The following PLB1 variants were observed in gnomAD, a reference collection of about 807,000 sequenced individuals.
The protein encoded by PLB1 is phospholipase B1, membrane-associated.
In PLB1, 242 loss-of-function variants were observed where a neutral mutation model predicts 227.4. That is an observed-to-expected ratio of 1.06 (90% CI 0.96 to 1.18). PLB1 has a LOEUF of 1.18. Ranked by LOEUF, PLB1 falls within the 50% of genes most tolerant of loss-of-function variation. The pLI, the probability that PLB1 is intolerant of heterozygous loss-of-function variation, is 0.00. For missense variants in PLB1, 1,858 were observed against 1,816.3 expected (o/e 1.02, Z -0.42); for synonymous variants, 757 against 682.2 (o/e 1.11, Z -1.71).
chr2:28,638,848 A>AT (rs2148351459), intron 56 of PLB1, among the ~76,000 whole-genome samples: 1 of 151,544 alleles, frequency 6.6e-6, no homozygotes, highest in East Asian at 1.9e-4. Flanking sequence ...AAAAAAAAAA[A>AT]AAAGTGGGGT....
chr2:28,601,449 T>C, intron 37 of PLB1, 117 bp downstream of exon 37: 1 of 744,066 alleles, frequency 1.3e-6, no homozygotes, highest in Non-Finnish European at 2.3e-6. Flanking sequence ...CCTACACCTA[T>C]GTCTGCACAT....
chr2:28,561,940 C>T (rs1346374688), intron 17 of PLB1, among the ~76,000 whole-genome samples: 4 of 151,846 alleles, frequency 2.6e-5, no homozygotes, highest in Non-Finnish European at 5.9e-5. Flanking sequence ...ACAAATGAAC[C>T]TTGAAAACAT....
rs975421618 is a variant in PLB1 at position 28,604,687 on chromosome 2, C to G, written c.2889C>G (p.Arg963=). 23 of 1,614,158 alleles carry G rather than the reference C, an allele frequency of 1.4e-5. No individual in the cohort carries two copies. In the South Asian group the frequency reaches 2.5e-4, roughly 18 times the overall value. Residue 963 remains arginine (R), a synonymous_variant, in exon 41 of 58, where the codon CGC becomes CGG. Transcript: ENST00000327757. ...SSMRELVGSG[R]YDTQEDFSVV... ...TGCGCGAGCTGGTGGGGTCAGGCCG[C>G]TATGACACGCAGGAGGACTTCTCTG...
intron 1 of PLB1, among the ~76,000 whole-genome samples, chr2:28,497,167 T>C (rs1347887148): frequency 6.6e-6 from 1 of 152,234 alleles, no homozygotes; most frequent in Non-Finnish European, 1.5e-5. Context: ...CTATTGATTT[T>C]TTAGGAGTTC....
At chr2:28,570,470 G>GT (rs35877024) in intron 20 of PLB1, among the ~76,000 whole-genome samples, 75,949 of 152,010 alleles carry the variant, frequency 0.5, 21,339 homozygotes, top group Non-Finnish European at 0.65. Flanking sequence ...TAACAAAAAT[G>GT]TAACACCACT....
At chr2:28,606,012 A>G (rs1684626199) in intron 42 of PLB1, 64 bp downstream of exon 42, 5 of 1,317,344 alleles carry the variant, frequency 3.8e-6, no homozygotes, top group South Asian at 2.4e-5. Context: ...ACCAGCCCCT[A>G]TAGAATGGAG....
intron 7 of PLB1, 34 bp from the exon 8 acceptor site, chr2:28,529,694 G>T (rs767621840): frequency 1.2e-6 from 2 of 1,607,698 alleles, no homozygotes; most frequent in South Asian, 2.2e-5. Flanking sequence ...ATAATATTTA[G>T]CCAATTTTTC....
At chr2:28,642,598 T>G (rs56016743) in intron 57 of PLB1, among the ~76,000 whole-genome samples, 1 of 151,974 alleles carries the variant, frequency 6.6e-6, no homozygotes, top group African/African-American at 2.4e-5. Flanking sequence ...TCCCAATCTT[T>G]CAAAATCAGG....
intron 20 of PLB1, among the ~76,000 whole-genome samples, chr2:28,571,976 T>A (rs1678089084): frequency 6.6e-6 from 1 of 152,162 alleles, no homozygotes; most frequent in East Asian, 1.9e-4. Context: ...TCAAAGAAAG[T>A]AAAGACAGCC....
At chr2:28,637,727 G>T (rs1689533706) in intron 56 of PLB1, among the ~76,000 whole-genome samples, 1 of 152,148 alleles carries the variant, frequency 6.6e-6, no homozygotes, top group African/African-American at 2.4e-5. Flanking sequence ...ACACACCTCT[G>T]CTAACTCTTG....
intron 49 of PLB1, among the ~76,000 whole-genome samples, chr2:28,624,591 A>C (rs1687480772): frequency 6.6e-6 from 1 of 152,200 alleles, no homozygotes; most frequent in Non-Finnish European, 1.5e-5. Context: ...CACAGAAAAG[A>C]AAAACAAAAG....
chr2:28,604,879 G>C lies in PLB1; in HGVS notation c.2961+120G>C, dbSNP rs1185632583. ...AAAGACACAGCTCTCCAGACGCTGT[G>C]CTGGCAGGTGCAGGCTCCCTGAACG... On this transcript the variant is annotated intron_variant, in intron 41 of 57. Coordinates refer to ENST00000327757, the MANE Select transcript of PLB1 (RefSeq NM_153021.5). The C allele has an allele frequency of 4.4e-6, 4 of 916,984 alleles. No individual in the cohort carries two copies. The East Asian group carries it at 1.1e-4, about 25-fold the overall frequency. The allele number at this position is 916,984 out of a possible 1,614,324, so 56.8% of individuals were successfully genotyped here.
At chr2:28,538,896 CTGT>C (rs1386140713) in intron 10 of PLB1, among the ~76,000 whole-genome samples, 200 bp from the exon 11 acceptor site, 2 of 152,118 alleles carry the variant, frequency 1.3e-5, no homozygotes, top group Non-Finnish European at 2.9e-5. Context: ...ACAGAGAGTC[CTGT>C]TTCTGGATGG....
At chr2:28,610,983 C>G (rs1685370908) in intron 43 of PLB1, among the ~76,000 whole-genome samples, 1 of 152,146 alleles carries the variant, frequency 6.6e-6, no homozygotes, top group Non-Finnish European at 1.5e-5. Context: ...GGCTCCAGGC[C>G]TTTAAACCAC....
rs1667981896 is a variant in PLB1, at chr2:28,509,443, G to A, written c.56-7365G>A. ...TCTGCATTTGGGGGCTAGGTAGCAG[G>A]TGATGGGCTGAGAGCCACTGCTTTA... On this transcript the variant is annotated intron_variant, in intron 1 of 57. Coordinates refer to ENST00000327757, the MANE Select transcript of PLB1 (RefSeq NM_153021.5). Among the ~76,000 whole-genome samples the A allele has an allele frequency of 2.6e-5, 4 of 152,204 alleles. No individual in the cohort carries two copies. In the South Asian group the frequency reaches 8.3e-4, roughly 31 times the overall value.
chr2:28,547,625 C>A (rs947059780), intron 14 of PLB1, among the ~76,000 whole-genome samples: 12 of 152,140 alleles, frequency 7.9e-5, no homozygotes, highest in African/African-American at 2.9e-4. Flanking sequence ...GCTGCCCCAT[C>A]CAGTAGCTTC....
chr2:28,597,977 C>T (rs771728439), intron 33 of PLB1, 28 bp from the exon 34 acceptor site: 4 of 1,603,614 alleles, frequency 2.5e-6, no homozygotes, highest in African/African-American at 1.3e-5. Context: ...CTCTCCCTCT[C>T]ATTCACTGGC....
intron 4 of PLB1, among the ~76,000 whole-genome samples, chr2:28,519,964 T>TG (rs1346555290): frequency 6.6e-6 from 1 of 152,112 alleles, no homozygotes; most frequent in Admixed American, 6.6e-5. Context: ...AGTCTCACTC[T>TG]GTCACCCGGG....
intron 56 of PLB1, among the ~76,000 whole-genome samples, chr2:28,633,962 C>T (rs185924254): frequency 6.6e-6 from 1 of 152,194 alleles, no homozygotes; most frequent in Non-Finnish European, 1.5e-5. Flanking sequence ...CACCGCTGTG[C>T]AAACGTTCCC....
Sources: gnomAD v4.1 joint callset for allele counts (sites outside exome capture counted in the v4.1 genomes callset) on GRCh38, gnomAD v4.1.1 for gene constraint, MANE v1.5 for transcripts, NCBI Gene and HGNC (gene_info 2026-07-23, HGNC 2026-07-21) for gene names.